GRM7: variants seen among roughly 807,000 people sequenced by gnomAD.
GRM7 encodes metabotropic glutamate receptor 7.
Under a neutral mutation model 84.5 loss-of-function variants are expected in GRM7, and 35 were observed. The observed-to-expected ratio is 0.41, with a 90% CI of 0.32 to 0.55. The LOEUF is 0.55. Among genes scored for constraint, GRM7 ranks in the 20% least tolerant of loss-of-function variants. GRM7 has a pLI of 0.19. For missense variants in GRM7, 1,003 were observed against 1,194.6 expected (o/e 0.84, Z 2.36); for synonymous variants, 487 against 455.1 (o/e 1.07, Z -0.89).
chr3:7,328,220 T>C (rs1249967812), intron 4 of GRM7, among the ~76,000 whole-genome samples: 1 of 152,214 alleles, frequency 6.6e-6, no homozygotes, highest in Non-Finnish European at 1.5e-5. Flanking sequence ...AAAAATTTTC[T>C]AACTCATCGT....
At chr3:7,315,913 C>T (rs1222231538) in intron 4 of GRM7, among the ~76,000 whole-genome samples, 3 of 152,068 alleles carry the variant, frequency 2.0e-5, no homozygotes, top group Non-Finnish European at 4.4e-5. Context: ...AACATCACAC[C>T]TGACAAGTGC....
In GRM7 at chr3:6,863,576, G is replaced by T. The variant is rs946128503; in HGVS notation, c.519+1669G>T. On this transcript the variant is annotated intron_variant, in intron 1 of 9. Coordinates refer to ENST00000357716, the MANE Select transcript of GRM7 (RefSeq NM_000844.4). This position sits in a 1 kb window ranked among gnomAD's most constrained non-coding sequence, Gnocchi z 4.8. Reference sequence around the variant, plus strand: ...TCTGCAAACCCAAAAGTGCTTCGGGGCTAGCCATCACTCTGAGTTCCTTGC... The same window carrying T: ...TCTGCAAACCCAAAAGTGCTTCGGGTCTAGCCATCACTCTGAGTTCCTTGC... Among the ~76,000 whole-genome samples, 2 of 152,172 alleles carry T rather than the reference G, an allele frequency of 1.3e-5. No individual in the cohort carries two copies. The highest frequency in any genetic ancestry group is 2.4e-5 in the African/African-American group (1 of 41,454).
At chr3:6,944,983 G>T (rs1344814746) in intron 1 of GRM7, among the ~76,000 whole-genome samples, 1 of 151,830 alleles carries the variant, frequency 6.6e-6, no homozygotes, top group African/African-American at 2.4e-5. Context: ...TAGTTATGTT[G>T]CCTCTCTCAT....
chr3:7,686,307 T>C (rs757928623), intron 9 of GRM7: 11 of 782,086 alleles, frequency 1.4e-5, no homozygotes, highest in East Asian at 4.9e-5. Flanking sequence ...AAAAGTAATA[T>C]TGTGTGCACA....
At chr3:7,633,046 C>T (rs1266754205) in intron 8 of GRM7, among the ~76,000 whole-genome samples, 1 of 152,224 alleles carries the variant, frequency 6.6e-6, no homozygotes, top group Admixed American at 6.5e-5. Flanking sequence ...TGGATTGATG[C>T]TTACTCTGAA....
intron 2 of GRM7, among the ~76,000 whole-genome samples, chr3:7,247,472 A>T (rs1697808443): frequency 6.6e-6 from 1 of 151,708 alleles, no homozygotes; most frequent in Admixed American, 6.6e-5. Context: ...GGCGGCTCAC[A>T]CCTGTAGTCC....
intron 5 of GRM7, among the ~76,000 whole-genome samples, chr3:7,416,424 T>C (rs1440863064): frequency 6.6e-6 from 1 of 152,182 alleles, no homozygotes; most frequent in South Asian, 2.1e-4. Context: ...GACACAGTTC[T>C]GCCTCTAGTC....
chr3:7,498,108 T>C (rs1699765389), intron 7 of GRM7, among the ~76,000 whole-genome samples: 2 of 152,222 alleles, frequency 1.3e-5, no homozygotes, highest in South Asian at 4.1e-4. Flanking sequence ...TATACAAAAA[T>C]AGCCTGTTGG....
chr3:7,686,454 A>C, intron 9 of GRM7: 1 of 1,233,388 alleles, frequency 8.1e-7, no homozygotes, highest in South Asian at 1.2e-5. Context: ...CAAAGGTAAG[A>C]AAACAATCTA....
At chr3:7,688,981 C>A (rs1325780546) in intron 9 of GRM7, among the ~76,000 whole-genome samples, 1 of 152,192 alleles carries the variant, frequency 6.6e-6, no homozygotes, top group Non-Finnish European at 1.5e-5. Flanking sequence ...GCATCCTTTA[C>A]ATGAATATTT....
At chr3:6,877,429 G>C (rs1375064608) in intron 1 of GRM7, among the ~76,000 whole-genome samples, 1 of 152,146 alleles carries the variant, frequency 6.6e-6, no homozygotes, top group Non-Finnish European at 1.5e-5. Flanking sequence ...TGGACTTCAT[G>C]GTTCTATATA....
chr3:7,575,547 G>A (rs150634746), intron 7 of GRM7, among the ~76,000 whole-genome samples: 5 of 152,134 alleles, frequency 3.3e-5, no homozygotes, highest in Non-Finnish European at 7.3e-5. Context: ...ACAAGGCAGC[G>A]TATCTGTGTG....
intron 7 of GRM7, among the ~76,000 whole-genome samples, chr3:7,497,965 T>C (rs1434266643): frequency 6.6e-6 from 1 of 152,216 alleles, no homozygotes; most frequent in African/African-American, 2.4e-5. Flanking sequence ...TTGATTCTTC[T>C]TCCAGGAAGT....
chr3:7,674,596 G>T (rs1416789621), intron 8 of GRM7, among the ~76,000 whole-genome samples: 2 of 152,136 alleles, frequency 1.3e-5, no homozygotes, highest in East Asian at 1.9e-4. Flanking sequence ...ACATATTTTT[G>T]TGTGTGTGGT....
chr3:7,230,111 T>C (rs1442058299), intron 2 of GRM7, among the ~76,000 whole-genome samples: 1 of 151,862 alleles, frequency 6.6e-6, no homozygotes, highest in African/African-American at 2.4e-5. Context: ...AATGCTGGGA[T>C]TGCCGGCATG....
In GRM7 at chr3:7,150,668, T is replaced by C. The variant is rs189397927; in HGVS notation, c.736+4000T>C. ...TTTATTTGAATGAATGCACATGCAA[T>C]AGCAACAAAGGCAATTTATTTCTTA... On this transcript the variant is annotated intron_variant, in intron 2 of 9. Transcript: ENST00000357716. 9.5e-4 allele frequency among the ~76,000 whole-genome samples: 144 copies of C among 152,312 alleles called. 2 individuals are homozygous for C. Among genetic ancestry groups the C allele is most frequent in the Admixed American group, 9.4e-3 (143 of 15,294 alleles).
At position 7,531,868 on chromosome 3, in the gene GRM7, C is replaced by G. The variant is rs189211588; in HGVS notation, c.1516-46554C>G. Among the ~76,000 whole-genome samples the G allele has an allele frequency of 4.6e-5, 7 of 152,220 alleles. No homozygotes were observed. The East Asian group carries it at 1.4e-3, about 29-fold the overall frequency. On this transcript the variant is annotated intron_variant, in intron 7 of 9. Coordinates refer to ENST00000357716, the MANE Select transcript of GRM7 (RefSeq NM_000844.4). ...GAATAGGAGTGGGGAGAGAGGGCAT[C>G]CTTGTCTTGTGCTGATTTTCAAAGG...
intron 4 of GRM7, among the ~76,000 whole-genome samples, chr3:7,331,114 G>A (rs564881565): frequency 3.3e-5 from 5 of 152,146 alleles, no homozygotes; most frequent in Non-Finnish European, 7.4e-5. Context: ...CCACAAGATC[G>A]GGGATCCATG....
At chr3:7,030,026 A>G (rs1023460366) in intron 1 of GRM7, among the ~76,000 whole-genome samples, 4 of 152,232 alleles carry the variant, frequency 2.6e-5, no homozygotes, top group Admixed American at 6.5e-5. Flanking sequence ...GTAGCCAAAT[A>G]CTGGAGACAA....
Sources: gnomAD v4.1 joint callset for allele counts (sites outside exome capture counted in the v4.1 genomes callset) on GRCh38, gnomAD v4.1.1 for gene constraint, Gnocchi (gnomAD v3.1) non-coding constraint, MANE v1.5 for transcripts, NCBI Gene and HGNC (gene_info 2026-07-23, HGNC 2026-07-21) for gene names.